The following TMEM45A variants were observed in gnomAD, a reference collection of about 807,000 sequenced individuals.
TMEM45A encodes the protein transmembrane protein 45A.
TMEM45A carries 25 observed loss-of-function variants against 32.0 expected under a neutral mutation model. The observed-to-expected ratio is 0.78, with a 90% CI of 0.57 to 1.09. TMEM45A has a LOEUF of 1.09. TMEM45A is among the 50% of genes least tolerant of loss of function. The probability of loss-of-function intolerance (pLI) is 0.00; values close to 1 mark genes in which losing one functional copy is unlikely to be tolerated. For missense variants in TMEM45A, 302 were observed against 325.0 expected (o/e 0.93, Z 0.54); for synonymous variants, 122 against 114.8 (o/e 1.06, Z -0.40).
chr3:100,541,524 C>CTT (rs61341173), intron 1 of TMEM45A, among the ~76,000 whole-genome samples: 50 of 111,270 alleles, frequency 4.5e-4, no homozygotes, highest in Non-Finnish European at 6.0e-4. Flanking sequence ...CTTTTCTTTC[C>CTT]TTTTTTTTTT....
chr3:100,536,087 AG>A (rs1333612384), intron 1 of TMEM45A, among the ~76,000 whole-genome samples: 2 of 152,178 alleles, frequency 1.3e-5, no homozygotes, highest in African/African-American at 4.8e-5. Context: ...TCTAGGGGGA[AG>A]GTACTGCCAG....
intron 4 of TMEM45A, among the ~76,000 whole-genome samples, chr3:100,568,421 G>A: frequency 6.6e-6 from 1 of 152,268 alleles, no homozygotes; most frequent in South Asian, 2.1e-4. Context: ...CCTGATATTA[G>A]GGGGAAAGAT....
In TMEM45A at chr3:100,555,254, T is replaced by C; in HGVS notation, c.43T>C (p.Phe15Leu). The stretch of plus-strand genomic sequence containing the variant: ...TCATGCCCTCCCTGGAACCTTCTTT[T>C]TTATTATTGGTCTTTGGTGGTGTAC... ...RGHALPGTFF[F>L]IIGLWWCTKS... Residue 15 changes from phenylalanine to leucine, a missense_variant, in exon 2 of 6, where the codon TTT (phenylalanine) becomes CTT (leucine). Physicochemically the swap from Phe to Leu is conservative, Grantham distance 22. Coordinates refer to ENST00000323523, the MANE Select transcript of TMEM45A (RefSeq NM_018004.3). 1 of 1,611,648 alleles carries C rather than the reference T, an allele frequency of 6.2e-7. No individual in the cohort carries two copies. The highest frequency in any genetic ancestry group is 8.5e-7 in the Non-Finnish European group (1 of 1,178,998).
intron 1 of TMEM45A, among the ~76,000 whole-genome samples, chr3:100,536,034 A>G (rs1378928814): frequency 2.6e-5 from 4 of 152,180 alleles, no homozygotes; most frequent in Non-Finnish European, 5.9e-5. Flanking sequence ...TTTGCCCCCC[A>G]GGTGACATTT....
At chr3:100,524,955 A>G (rs1490122365) in intron 1 of TMEM45A, among the ~76,000 whole-genome samples, 11 of 152,148 alleles carry the variant, frequency 7.2e-5, no homozygotes, top group Non-Finnish European at 5.9e-5. Context: ...TTTGGGAGGC[A>G]GAAGCAGGAG....
At chr3:100,573,812 G>A (rs1361083479) in intron 5 of TMEM45A, 1 of 152,094 alleles carries the variant, frequency 6.6e-6, no homozygotes, top group South Asian at 2.1e-4. Context: ...AGCATGAAGG[G>A]TTGTTGAATT....
chr3:100,539,489 A>ACG (rs1183267009), intron 1 of TMEM45A, among the ~76,000 whole-genome samples: 2,319 of 138,028 alleles, frequency 0.017, 37 homozygotes, highest in Non-Finnish European at 0.023. Context: ...GTATATGTAT[A>ACG]TGTATACGTA....
chr3:100,556,332 C>A (rs1192557670), intron 2 of TMEM45A, among the ~76,000 whole-genome samples: 3 of 152,204 alleles, frequency 2.0e-5, no homozygotes, highest in African/African-American at 7.2e-5. Context: ...AACTCTTTAG[C>A]ATTTTTATCT....
chr3:100,501,563 G>A (rs1319734020), intron 1 of TMEM45A, among the ~76,000 whole-genome samples: 1 of 152,112 alleles, frequency 6.6e-6, no homozygotes, highest in Non-Finnish European at 1.5e-5. Context: ...CACATAAATT[G>A]GATGGAAACT....
At chr3:100,539,484 T>TGTATACGTATACGTATAC (rs1355750803) in intron 1 of TMEM45A, among the ~76,000 whole-genome samples, 1 of 112,012 alleles carries the variant, frequency 8.9e-6, no homozygotes, top group Non-Finnish European at 2.1e-5. Context: ...TATATGTATA[T>TGTATACGTATACGTATAC]GTATATGTAT....
intron 5 of TMEM45A, among the ~76,000 whole-genome samples, chr3:100,570,390 A>T (rs1706534005): frequency 6.6e-6 from 1 of 152,214 alleles, no homozygotes; most frequent in African/African-American, 2.4e-5. Context: ...TGAAGAAATC[A>T]TTCCTTTGTC....
chr3:100,509,425 G>T (rs146457541), intron 1 of TMEM45A, among the ~76,000 whole-genome samples: 1 of 152,122 alleles, frequency 6.6e-6, no homozygotes, highest in East Asian at 1.9e-4. Flanking sequence ...CAGCAATTTC[G>T]CTACTGGATA....
At chr3:100,574,618 A>T (rs919198415) in intron 5 of TMEM45A, 5 of 152,144 alleles carry the variant, frequency 3.3e-5, no homozygotes, top group South Asian at 2.1e-4. Context: ...GCATTTTAAC[A>T]ATTGGGATCT....
chr3:100,538,579 G>A (rs1010403355), intron 1 of TMEM45A, among the ~76,000 whole-genome samples: 1 of 152,044 alleles, frequency 6.6e-6, no homozygotes, highest in Admixed American at 6.6e-5. Flanking sequence ...TATGATAAAA[G>A]GGAATAAAAA....
chr3:100,525,116 A>C (rs1705515313), intron 1 of TMEM45A, among the ~76,000 whole-genome samples: 1 of 152,136 alleles, frequency 6.6e-6, no homozygotes, highest in Admixed American at 6.5e-5. Context: ...TGAGTCCAGG[A>C]GTTTGAGACT....
At chr3:100,576,001 C>T (rs1706677076) in intron 5 of TMEM45A, among the ~76,000 whole-genome samples, 1 of 152,162 alleles carries the variant, frequency 6.6e-6, no homozygotes, top group South Asian at 2.1e-4. Flanking sequence ...CCCAGCGATT[C>T]TCTTAATTGT....
chr3:100,558,878 C>T (rs1706274885), intron 4 of TMEM45A, among the ~76,000 whole-genome samples: 2 of 152,146 alleles, frequency 1.3e-5, no homozygotes, highest in Non-Finnish European at 2.9e-5. Context: ...ACTAAAGCAG[C>T]TTATAGCATA....
intron 1 of TMEM45A, among the ~76,000 whole-genome samples, chr3:100,552,891 A>C (rs924469921): frequency 7.2e-5 from 11 of 152,328 alleles, no homozygotes; most frequent in Admixed American, 2.0e-4. Context: ...CAAGGAGTTC[A>C]ATAACCACAG....
At chr3:100,570,287 C>T (rs7432710) in intron 5 of TMEM45A, among the ~76,000 whole-genome samples, 78,263 of 152,064 alleles carry the variant, frequency 0.51, 22,069 homozygotes, top group African/African-American at 0.76. Flanking sequence ...AACTTTCCAC[C>T]CTTCTCTTTA....
Sources: allele counts gnomAD v4.1 joint callset (sites outside exome capture counted in the v4.1 genomes callset), GRCh38; gene constraint gnomAD v4.1.1; transcripts MANE v1.5; gene names NCBI Gene and HGNC (gene_info 2026-07-23, HGNC 2026-07-21).